Variants in GRM7 observed in about 807,000 individuals in gnomAD.
GRM7 encodes metabotropic glutamate receptor 7.
A neutral mutation model predicts 84.5 loss-of-function variants in GRM7; 35 were observed. The observed-to-expected ratio is 0.41, with a 90% CI of 0.32 to 0.55. The LOEUF (loss-of-function observed/expected upper bound fraction) is 0.55, where lower values mean the gene tolerates loss of function less well. Ranked by LOEUF, GRM7 falls within the 20% of genes least tolerant of loss-of-function variation. The pLI is 0.19. For synonymous variants in GRM7, 487 were observed against 455.1 expected (o/e 1.07, Z -0.89); for missense variants, 1,003 against 1,194.6 (o/e 0.84, Z 2.36).
chr3:7,272,625 T>C (rs1698907825), intron 2 of GRM7, among the ~76,000 whole-genome samples: 2 of 152,178 alleles, frequency 1.3e-5, no homozygotes, highest in Admixed American at 6.5e-5. Context: ...TGTTATTAAA[T>C]TTCTAGGCAC....
chr3:7,281,874 A>G (rs1204235306), intron 2 of GRM7, among the ~76,000 whole-genome samples: 2 of 152,212 alleles, frequency 1.3e-5, no homozygotes, highest in African/African-American at 4.8e-5. Flanking sequence ...TGAGTTCAGG[A>G]GTTCGAGACA....
chr3:7,167,894 G>A (rs1389587777), intron 2 of GRM7, among the ~76,000 whole-genome samples: 7 of 140,016 alleles, frequency 5.0e-5, no homozygotes, highest in African/African-American at 1.0e-4. Context: ...GCGTGAACCC[G>A]GGAGGTGGAG....
At chr3:7,477,632 G>C (rs751382) in intron 7 of GRM7, among the ~76,000 whole-genome samples, 50,240 of 152,022 alleles carry the variant, frequency 0.33, 8,500 homozygotes, top group African/African-American at 0.39. Flanking sequence ...TGAGATGTGC[G>C]TCTTTATTCT....
chr3:7,384,226 G>A (rs934667973), intron 4 of GRM7, among the ~76,000 whole-genome samples: 5 of 151,982 alleles, frequency 3.3e-5, no homozygotes, highest in Non-Finnish European at 5.9e-5. Flanking sequence ...ACAGGGTTTC[G>A]CCATGTCAGC....
At position 6,918,618 on chromosome 3, in the gene GRM7, C is replaced by G. The variant is rs1697020878; in HGVS notation, c.519+56711C>G. On this transcript the variant is annotated intron_variant, in intron 1 of 9. Coordinates refer to ENST00000357716, the MANE Select transcript of GRM7 (RefSeq NM_000844.4). ...TCATCTAACAAATATTGGCTAAGAG[C>G]TCACTACATGTCAAGTACTCTGCCA... Among the ~76,000 whole-genome samples, 4 of 152,258 alleles carry G rather than the reference C, an allele frequency of 2.6e-5. No homozygotes were observed. In the East Asian group the frequency reaches 5.8e-4, roughly 22 times the overall value.
chr3:7,557,638 A>G (rs952574884), intron 7 of GRM7, among the ~76,000 whole-genome samples: 1 of 152,194 alleles, frequency 6.6e-6, no homozygotes, highest in Non-Finnish European at 1.5e-5. Context: ...TGGCTTAAGA[A>G]CATACAATTG....
chr3:7,446,299 A>T (rs1459246723), intron 5 of GRM7, among the ~76,000 whole-genome samples: 1 of 152,182 alleles, frequency 6.6e-6, no homozygotes, highest in Non-Finnish European at 1.5e-5. Flanking sequence ...GAGAAGCCTT[A>T]TGCTGGTTGT....
chr3:7,040,251 C>G (rs1274082608), intron 1 of GRM7, among the ~76,000 whole-genome samples: 1 of 152,178 alleles, frequency 6.6e-6, no homozygotes, highest in African/African-American at 2.4e-5. Flanking sequence ...ACAGAAACCT[C>G]ACTGCTACAC....
intron 2 of GRM7, among the ~76,000 whole-genome samples, chr3:7,175,327 T>C (rs1695109541): frequency 6.6e-6 from 1 of 152,238 alleles, no homozygotes; most frequent in East Asian, 1.9e-4. Flanking sequence ...CTTGATTTTA[T>C]AATATTTAAT....
intron 1 of GRM7, among the ~76,000 whole-genome samples, chr3:7,062,340 A>G (rs993915585): frequency 6.6e-5 from 10 of 151,600 alleles, no homozygotes; most frequent in African/African-American, 1.9e-4. Context: ...TAGTGTGTGG[A>G]ACTGAGTTTT....
At chr3:7,137,929 T>A (rs1008600834) in intron 1 of GRM7, among the ~76,000 whole-genome samples, 5 of 152,096 alleles carry the variant, frequency 3.3e-5, no homozygotes, top group Admixed American at 6.6e-5. Context: ...AGACAACACA[T>A]CAGAGAAGAC....
chr3:6,882,984 C>T (rs1404184608), intron 1 of GRM7, among the ~76,000 whole-genome samples: 2 of 152,142 alleles, frequency 1.3e-5, no homozygotes, highest in East Asian at 1.9e-4. Context: ...TACATATTGA[C>T]GTATGAGCCT....
At chr3:7,133,152 A>C (rs557226286) in intron 1 of GRM7, among the ~76,000 whole-genome samples, 37 of 152,336 alleles carry the variant, frequency 2.4e-4, no homozygotes, top group African/African-American at 8.7e-4. Flanking sequence ...GTGGCTAGGA[A>C]ACACAAGGAG....
chr3:6,899,572 G>C (rs550487066), intron 1 of GRM7, among the ~76,000 whole-genome samples: 8 of 152,228 alleles, frequency 5.3e-5, no homozygotes, highest in African/African-American at 1.7e-4. Context: ...AGGTTGTTAA[G>C]ACAACAAAAT....
intron 5 of GRM7, among the ~76,000 whole-genome samples, chr3:7,441,524 G>T (rs1328597071): frequency 1.3e-5 from 2 of 151,854 alleles, no homozygotes; most frequent in African/African-American, 4.8e-5. Context: ...TTTTGTTGCA[G>T]TTGCTTTTGT....
intron 1 of GRM7, among the ~76,000 whole-genome samples, chr3:7,072,140 A>G (rs1208945486): frequency 1.3e-5 from 2 of 151,878 alleles, no homozygotes; most frequent in African/African-American, 4.8e-5. Flanking sequence ...CTGAGGAGGG[A>G]TTTTCACTAT....
intron 1 of GRM7, among the ~76,000 whole-genome samples, chr3:7,088,626 C>T (rs956439709): frequency 6.8e-5 from 10 of 148,122 alleles, no homozygotes; most frequent in African/African-American, 2.6e-4. Context: ...TGAATGAATC[C>T]TTTTGTTCAT....
At chr3:7,028,784 TAA>T (rs35956870) in intron 1 of GRM7, among the ~76,000 whole-genome samples, 2 of 152,084 alleles carry the variant, frequency 1.3e-5, no homozygotes, top group African/African-American at 2.4e-5. Context: ...ATTGCTAAAA[TAA>T]AAAAGACTGA....
intron 1 of GRM7, among the ~76,000 whole-genome samples, chr3:6,886,101 G>GTGTT (rs1695683028): frequency 1.3e-5 from 2 of 151,732 alleles, no homozygotes. Context: ...ACCATTGTGT[G>GTGTT]TGTGTGTGGG....
Sources: allele counts gnomAD v4.1 joint callset (sites outside exome capture counted in the v4.1 genomes callset), GRCh38; gene constraint gnomAD v4.1.1; transcripts MANE v1.5; gene names NCBI Gene and HGNC (gene_info 2026-07-23, HGNC 2026-07-21).